Variants in HLA-DRB1 observed in about 807,000 individuals in gnomAD.
The protein encoded by HLA-DRB1 is major histocompatibility complex, class II, DR beta 1 precursor.
In HLA-DRB1, 10 loss-of-function variants were observed where a neutral mutation model predicts 27.9. That is an observed-to-expected ratio of 0.36 (90% CI 0.22 to 0.61). HLA-DRB1 has a LOEUF of 0.61. Among genes scored for constraint, HLA-DRB1 ranks in the 20% least tolerant of loss-of-function variants. The probability of loss-of-function intolerance (pLI) is 0.73; values close to 1 mark genes in which losing one functional copy is unlikely to be tolerated. For synonymous variants in HLA-DRB1, 57 were observed against 126.7 expected, an observed-to-expected ratio of 0.45 and a Z score of 3.69; for missense variants, 118 against 306.3, an observed-to-expected ratio of 0.39 and a Z score of 4.59.
rs1260837958 is a variant in HLA-DRB1, at chr6:32,583,617, C to T, written c.370+492G>A. Among the ~76,000 whole-genome samples the T allele has an allele frequency of 1.2e-4, 7 of 59,952 alleles. 1 individual carries two copies. Among genetic ancestry groups the T allele is most frequent in the Admixed American group, 8.1e-4 (4 of 4,946 alleles). 39.3% of individuals were successfully genotyped at this position (59,952 alleles called of 152,430 possible). A position where few individuals can be genotyped will look rare whatever the true frequency, so the allele number is the denominator to read the frequency against. On this transcript the variant is annotated intron_variant, in intron 2 of 5. Transcript: ENST00000360004. ...GCACACACTTTTAATTCAGAGATTA[C>T]ACGAAGGGTGTATGCCAGGGAGAGT...
chr6:32,580,987 G>T lies in HLA-DRB1; in HGVS notation c.653-131C>A, dbSNP rs28732296. The T allele has an allele frequency of 6.8e-3, 3,626 of 536,376 alleles. 2 individuals are homozygous for T. Among genetic ancestry groups the T allele is most frequent in the East Asian group, 0.018 (404 of 22,044 alleles). The allele number at this position is 536,376 out of a possible 1,614,324, so 33.2% of individuals were successfully genotyped here. A position where few individuals can be genotyped will look rare whatever the true frequency, so the allele number is the denominator to read the frequency against. ...AGAACTAAAATAACTAGCCATTTCA[G>T]GAGAAAAAAAGGATTTCAAATTACA... is the stretch of plus-strand genomic sequence containing the variant. On this transcript the variant is annotated intron_variant, in intron 3 of 5. Coordinates refer to ENST00000360004, the Ensembl canonical transcript of HLA-DRB1.
chr6:32,579,820 T>TAAGAAAAGTTCTCCA (rs1581757294), intron 5 of HLA-DRB1, among the ~76,000 whole-genome samples: 3 of 44,252 alleles, frequency 6.8e-5, no homozygotes, highest in Admixed American at 2.9e-4. Flanking sequence ...AAACCTCTTG[T>TAAGAAAAGTTCTCCA]AGGCCGGGCG....
At chr6:32,584,692 T>C (rs1776132041) in intron 1 of HLA-DRB1, among the ~76,000 whole-genome samples, 1 of 77,162 alleles carries the variant, frequency 1.3e-5, no homozygotes, top group African/African-American at 5.5e-5. Context: ...CCGCGCCGCC[T>C]CCTCCTGGGA....
At chr6:32,585,832 C>T (rs201095119) in intron 1 of HLA-DRB1, among the ~76,000 whole-genome samples, 29,740 of 127,880 alleles carry the variant, frequency 0.23, 3,415 homozygotes, top group Middle Eastern at 0.44. Context: ...TTACTTATAA[C>T]CTCTCAATTT....
chr6:32,584,481 C>T, intron 1 of HLA-DRB1, 103 bp from the exon 2 acceptor site: 2 of 672,870 alleles, frequency 3.0e-6, no homozygotes, highest in Non-Finnish European at 4.8e-6. Context: ...GGCGCTGGAA[C>T]CTTAACCGGC....
At position 32,587,645 on chromosome 6, in the gene HLA-DRB1, T is replaced by C. The variant is rs1203160986; in HGVS notation, c.100+1998A>G. Among the ~76,000 whole-genome samples the C allele has an allele frequency of 3.2e-5, 3 of 94,306 alleles. 1 individual carries two copies. The highest frequency in any genetic ancestry group is 1.4e-4 in the African/African-American group (3 of 22,214). 61.9% of individuals were successfully genotyped at this position (94,306 alleles called of 152,430 possible). ...CCCTTAGATCTTCACGACTGTCTAC[T>C]TATTTTGTTGTCTCAGCTGAATGTC... On this transcript the variant is annotated intron_variant, in intron 1 of 5. Coordinates refer to ENST00000360004, the Ensembl canonical transcript of HLA-DRB1.
intron 1 of HLA-DRB1, among the ~76,000 whole-genome samples, chr6:32,589,110 C>T (rs9270236): frequency 0.55 from 46,215 of 83,388 alleles, 18,370 homozygotes; most frequent in Middle Eastern, 0.81. Context: ...GGATACAGGC[C>T]TTATAAACAT....
rs28724210 is a variant in HLA-DRB1, at chr6:32,588,776, T to C, written c.100+867A>G. ...ACATTATTAAATTTCTGATAGTTGA[T>C]TATTTTTGACTTAAAAAATAGAATT... On this transcript the variant is annotated intron_variant, in intron 1 of 5. Transcript: ENST00000360004. Among the ~76,000 whole-genome samples the C allele has an allele frequency of 2.0e-4, 13 of 65,674 alleles. 1 individual carries two copies. Among genetic ancestry groups the C allele is most frequent in the Non-Finnish European group, 1.9e-4 (6 of 31,688 alleles). The allele number at this position is 65,674 out of a possible 152,430, so 43.1% of individuals were successfully genotyped here.
chr6:32,586,138 TTCC>T, intron 1 of HLA-DRB1, among the ~76,000 whole-genome samples: 1 of 121,816 alleles, frequency 8.2e-6, no homozygotes, highest in African/African-American at 3.3e-5. Context: ...CTCTCCGTAT[TTCC>T]TCGCTAATAA....
chr6:32,582,085 C>T (rs1038605240), intron 2 of HLA-DRB1, among the ~76,000 whole-genome samples: 4 of 102,454 alleles, frequency 3.9e-5, no homozygotes, highest in Non-Finnish European at 5.9e-5. Flanking sequence ...CATGCATTGT[C>T]AAACTGTTTA....
intron 1 of HLA-DRB1, among the ~76,000 whole-genome samples, chr6:32,587,722 G>T (rs17203685): frequency 0.44 from 42,923 of 97,794 alleles, 10,609 homozygotes; most frequent in Middle Eastern, 0.63. Context: ...GTGAATCCAT[G>T]TCTCTCTTTT....
chr6:32,585,831 A>T (rs35081742), intron 1 of HLA-DRB1, among the ~76,000 whole-genome samples: 38,273 of 140,468 alleles, frequency 0.27, 5,053 homozygotes, highest in East Asian at 0.35. Context: ...GTTACTTATA[A>T]CCTCTCAATT....
chr6:32,580,990 G>GA (rs869256074), intron 3 of HLA-DRB1, 134 bp from the exon 4 acceptor site: 3 of 556,038 alleles, frequency 5.4e-6, no homozygotes, highest in Non-Finnish European at 2.9e-6. Flanking sequence ...CATTTCAGGA[G>GA]AAAAAAAGGA....
chr6:32,578,784 G>C (rs1775042340), exon 6 of HLA-DRB1: 1 of 225,776 alleles, frequency 4.4e-6, no homozygotes, highest in African/African-American at 2.3e-5. Flanking sequence ...CTCCATCTTT[G>C]AGAAACATTT....
At chr6:32,585,368 T>C (rs796753368) in intron 1 of HLA-DRB1, among the ~76,000 whole-genome samples, 6,701 of 81,140 alleles carry the variant, frequency 0.083, 105 homozygotes, top group Non-Finnish European at 0.092. Flanking sequence ...AAAAACACGA[T>C]CTCTTCTACT....
chr6:32,586,281 A>C, intron 1 of HLA-DRB1, among the ~76,000 whole-genome samples: 1 of 102,086 alleles, frequency 9.8e-6, no homozygotes, highest in Non-Finnish European at 2.0e-5. Context: ...CAAAACAGTC[A>C]ACCTTAACCT....
Position 32,589,766 on chromosome 6 carries a change from G to T in HLA-DRB1, c.-24C>A, listed in dbSNP as rs17211078. 2.9e-3 allele frequency: 2,100 copies of T among 715,532 alleles called. 47 individuals carry two copies. The East Asian group carries it at 0.052, about 18-fold the overall frequency. The allele number at this position is 715,532 out of a possible 1,614,324, so 44.3% of individuals were successfully genotyped here. Reference sequence around the variant, plus strand: ...ATGCTGGAGAACAGGACAGGACCAGGGGCCAGAGAAGCAGGCAAGTCTCAC... The same window carrying T: ...ATGCTGGAGAACAGGACAGGACCAGTGGCCAGAGAAGCAGGCAAGTCTCAC... On this transcript the variant is annotated 5_prime_UTR_variant, in exon 1 of 6. Coordinates refer to ENST00000360004, the Ensembl canonical transcript of HLA-DRB1.
intron 1 of HLA-DRB1, 80 bp from the exon 2 acceptor site, chr6:32,584,458 T>A: frequency 1.5e-6 from 1 of 651,928 alleles, no homozygotes; most frequent in South Asian, 1.8e-5. Flanking sequence ...CGGGGCTCCC[T>A]GAGCGGGGTG....
At chr6:32,585,211 T>C (rs1776225285) in intron 1 of HLA-DRB1, among the ~76,000 whole-genome samples, 1 of 90,096 alleles carries the variant, frequency 1.1e-5, no homozygotes, top group Non-Finnish European at 2.2e-5. Flanking sequence ...ACATCAGAAC[T>C]AGCAGCCCTT....
Sources: allele counts gnomAD v4.1 joint callset (sites outside exome capture counted in the v4.1 genomes callset), GRCh38; gene constraint gnomAD v4.1.1; transcripts MANE v1.5; gene names NCBI Gene and HGNC (gene_info 2026-07-23, HGNC 2026-07-21).